Variants in GLG1 observed in about 807,000 individuals in gnomAD.
GLG1 encodes the protein golgi glycoprotein 1.
In GLG1, 38 loss-of-function variants were observed where a neutral mutation model predicts 160.5. The observed-to-expected ratio is 0.24, with a 90% confidence interval of 0.18 to 0.31. The LOEUF is 0.31. GLG1 is among the 10% of genes least tolerant of loss of function. The pLI is 1.00. For missense variants in GLG1, 1,373 were observed against 1,505.2 expected, an observed-to-expected ratio of 0.91 and a Z score of 1.45; for synonymous variants, 644 against 543.4, an observed-to-expected ratio of 1.19 and a Z score of -2.57.
chr16:74,565,310 C>CA (rs2018624676), intron 1 of GLG1, among the ~76,000 whole-genome samples: 1 of 152,136 alleles, frequency 6.6e-6, no homozygotes, highest in Non-Finnish European at 1.5e-5. Flanking sequence ...GTCTAGGCAA[C>CA]AGAGCCACTC....
chr16:74,557,594 A>G (rs1441874321), intron 1 of GLG1, among the ~76,000 whole-genome samples: 1 of 152,222 alleles, frequency 6.6e-6, no homozygotes, highest in Non-Finnish European at 1.5e-5. Flanking sequence ...ACAGACCAAA[A>G]GCCTGAGTCA....
intron 1 of GLG1, among the ~76,000 whole-genome samples, chr16:74,599,249 A>G (rs1958381203): frequency 6.6e-6 from 1 of 152,088 alleles, no homozygotes; most frequent in Non-Finnish European, 1.5e-5. Context: ...TGAATATACG[A>G]CCCTTCATGA....
At chr16:74,473,301 C>A (rs1479931437) in intron 13 of GLG1, among the ~76,000 whole-genome samples, 5 of 152,068 alleles carry the variant, frequency 3.3e-5, no homozygotes, top group Non-Finnish European at 7.4e-5. Context: ...GCAACCTCCG[C>A]CTCCCGGGTT....
intron 1 of GLG1, among the ~76,000 whole-genome samples, chr16:74,577,390 C>G (rs1333123558): frequency 6.6e-6 from 1 of 151,822 alleles, no homozygotes; most frequent in Non-Finnish European, 1.5e-5. Context: ...GGTGTGGTGG[C>G]AGGCACCTGT....
intron 1 of GLG1, among the ~76,000 whole-genome samples, chr16:74,602,819 G>C (rs1282726729): frequency 6.6e-6 from 1 of 151,042 alleles, no homozygotes; most frequent in African/African-American, 2.4e-5. Context: ...TTGAAGCTGG[G>C]TGATGTATAC....
intron 1 of GLG1, among the ~76,000 whole-genome samples, chr16:74,555,080 G>GA (rs2018317033): frequency 1.3e-5 from 2 of 151,982 alleles, no homozygotes; most frequent in African/African-American, 4.8e-5. Flanking sequence ...GATAAAACGG[G>GA]AAAAAAGAAA....
rs34125450 is a variant in GLG1 at position 74,479,051 on chromosome 16, C to CAA, written c.1827+1188_1827+1189dup. ...AGAAACCCCGTCTCTATTAAAAATC[C>CAA]AAAAAAAAAAAAAAAAAAAAAAAAA... is the stretch of plus-strand genomic sequence containing the variant. On this transcript the variant is annotated intron_variant, in intron 11 of 25. Transcript: ENST00000422840. 6.7e-3 allele frequency among the ~76,000 whole-genome samples: 118 copies of CAA among 17,578 alleles called. 32 individuals are homozygous for CAA. The highest frequency in any genetic ancestry group is 0.013 in the African/African-American group (42 of 3,232). The allele number at this position is 17,578 out of a possible 152,430, so 11.5% of individuals were successfully genotyped here. A position where few individuals can be genotyped will look rare whatever the true frequency, so the allele number is the denominator to read the frequency against.
At chr16:74,600,731 C>CAAA (rs56122377) in intron 1 of GLG1, among the ~76,000 whole-genome samples, 46 of 112,550 alleles carry the variant, frequency 4.1e-4, no homozygotes, top group Non-Finnish European at 5.5e-4. Flanking sequence ...GATTCCACCT[C>CAAA]AAAAAAAAAA....
intron 1 of GLG1, among the ~76,000 whole-genome samples, chr16:74,586,532 T>C (rs1199399853): frequency 6.6e-6 from 1 of 152,032 alleles, no homozygotes; most frequent in Non-Finnish European, 1.5e-5. Flanking sequence ...TGGAGTGCAG[T>C]GGCACAATCA....
In GLG1 at chr16:74,483,049, C is replaced by A. The variant is rs151113471; in HGVS notation, c.1647G>T (p.Leu549=). ...VEDCEHRLLE[L]QYFISRDWKL... is the part of the protein sequence containing the mutation. ...TCCAATCCCGGGAGATGAAATACTG[C>A]AGCTCTAAGAGACGGTGTTCACAGT... is the stretch of plus-strand genomic sequence containing the variant. Residue 549 remains leucine (L), a synonymous_variant, in exon 10 of 26, where the codon CTG becomes CTT. Transcript: ENST00000422840. The A allele has an allele frequency of 1.9e-6, 3 of 1,604,162 alleles. No individual in the cohort carries two copies. In the Admixed American group the frequency reaches 5.0e-5, roughly 27 times the overall value.
chr16:74,473,437 CT>C (rs11421713), intron 13 of GLG1, among the ~76,000 whole-genome samples: 13 of 110,982 alleles, frequency 1.2e-4, no homozygotes, highest in Admixed American at 4.4e-4. Context: ...TGGTCTTGAC[CT>C]TTTTTTTTTT....
chr16:74,598,981 G>C (rs569674881), intron 1 of GLG1, among the ~76,000 whole-genome samples: 1 of 151,872 alleles, frequency 6.6e-6, no homozygotes. Flanking sequence ...GAACACATTA[G>C]GAGAAATGCA....
At chr16:74,470,894 A>G (rs1027316807) in intron 15 of GLG1, among the ~76,000 whole-genome samples, 5 of 152,108 alleles carry the variant, frequency 3.3e-5, no homozygotes, top group Non-Finnish European at 5.9e-5. Flanking sequence ...AACAGCTGGG[A>G]TTACAGGTGT....
chr16:74,515,274 C>T (rs983213563), intron 2 of GLG1, among the ~76,000 whole-genome samples: 3 of 152,180 alleles, frequency 2.0e-5, no homozygotes, highest in Non-Finnish European at 2.9e-5. Flanking sequence ...AGGACTTGAA[C>T]TCAGCTCTGG....
At chr16:74,468,094 GGA>G in intron 17 of GLG1, 1 of 394,616 alleles carries the variant, frequency 2.5e-6, no homozygotes, top group East Asian at 4.2e-5. Context: ...GTCCTTCACA[GGA>G]CTGCTGAGAT....
intron 1 of GLG1, among the ~76,000 whole-genome samples, chr16:74,550,917 A>G (rs1288000052): frequency 6.6e-6 from 1 of 152,212 alleles, no homozygotes; most frequent in Non-Finnish European, 1.5e-5. Context: ...TCGAGCCACC[A>G]TTCCAAATTT....
intron 1 of GLG1, chr16:74,563,145 G>C (rs2018553755): frequency 6.6e-6 from 1 of 152,156 alleles, no homozygotes; most frequent in South Asian, 2.1e-4. Flanking sequence ...ATGAACAACA[G>C]AAAAGGGGTC....
chr16:74,525,246 T>C (rs1278822860), intron 2 of GLG1, among the ~76,000 whole-genome samples: 1 of 152,234 alleles, frequency 6.6e-6, no homozygotes, highest in Non-Finnish European at 1.5e-5. Flanking sequence ...GGCTGCACTA[T>C]TTCACATTCC....
rs545752617 is a variant in GLG1, at chr16:74,489,607, G to T, written c.1449+1394C>A. ...GTCCCAGGACCCACACTGGCACAGA[G>T]GTTTCCCAAGGAAGTCACCAGTAAC... On this transcript the variant is annotated intron_variant, in intron 8 of 25. Coordinates refer to ENST00000422840, the MANE Select transcript of GLG1 (RefSeq NM_001145667.2). Among the ~76,000 whole-genome samples the T allele has an allele frequency of 3.5e-4, 53 of 152,276 alleles. No individual in the cohort carries two copies. The South Asian group carries it at 0.011, about 30-fold the overall frequency.
Sources: gnomAD v4.1 joint callset for allele counts (sites outside exome capture counted in the v4.1 genomes callset) on GRCh38, gnomAD v4.1.1 for gene constraint, MANE v1.5 for transcripts, NCBI Gene and HGNC (gene_info 2026-07-23, HGNC 2026-07-21) for gene names.